The following ESRRG variants were observed in gnomAD, a reference collection of about 807,000 sequenced individuals.
The protein encoded by ESRRG is estrogen related receptor gamma.
Under a neutral mutation model 44.0 loss-of-function variants are expected in ESRRG, and 13 were observed. That is an observed-to-expected ratio of 0.30 (90% confidence interval 0.19 to 0.47). The LOEUF is 0.47. Among genes scored for constraint, ESRRG ranks in the 20% least tolerant of loss-of-function variants. The pLI is 1.00. For synonymous variants in ESRRG, 215 were observed against 214.6 expected (o/e 1.00, Z -0.02); for missense variants, 395 against 580.6 (o/e 0.68, Z 3.29).
chr1:216,617,074 C>A (rs2061518902), intron 3 of ESRRG, among the ~76,000 whole-genome samples: 3 of 152,136 alleles, frequency 2.0e-5, no homozygotes, highest in Admixed American at 2.0e-4. Flanking sequence ...CAATCTGTTT[C>A]TTTTCAACAT....
intron 1 of ESRRG, among the ~76,000 whole-genome samples, chr1:217,100,627 ATGAAGCAT>A (rs1216745721): frequency 6.6e-6 from 1 of 152,252 alleles, no homozygotes; most frequent in African/African-American, 2.4e-5. Context: ...CAGACTATAC[ATGAAGCAT>A]AGTGCTGGCA....
At chr1:216,545,076 G>A (rs772619005) in intron 5 of ESRRG, among the ~76,000 whole-genome samples, 34 of 151,492 alleles carry the variant, frequency 2.2e-4, no homozygotes, top group Non-Finnish European at 1.2e-4. Flanking sequence ...ATTTGGAGAC[G>A]GGCTCGCTCT....
intron 2 of ESRRG, among the ~76,000 whole-genome samples, chr1:216,906,473 A>G (rs1037312134): frequency 1.2e-4 from 18 of 152,134 alleles, no homozygotes; most frequent in African/African-American, 3.9e-4. Context: ...TATGGCCAGG[A>G]AAGTACAGCC....
chr1:217,131,099 T>C (rs1196496026), intron 1 of ESRRG, among the ~76,000 whole-genome samples: 1 of 152,204 alleles, frequency 6.6e-6, no homozygotes, highest in Non-Finnish European at 1.5e-5. Flanking sequence ...TTAGAGAACA[T>C]AATTCTGAAG....
At chr1:216,717,499 A>G (rs1349191893) in intron 1 of ESRRG, among the ~76,000 whole-genome samples, 8 of 151,940 alleles carry the variant, frequency 5.3e-5, no homozygotes, top group Non-Finnish European at 1.0e-4. Context: ...ATAGATTGGC[A>G]TAAAGAAGCG....
chr1:216,968,827 A>T (rs974343038), intron 1 of ESRRG, among the ~76,000 whole-genome samples: 7 of 152,054 alleles, frequency 4.6e-5, no homozygotes, highest in African/African-American at 1.7e-4. Context: ...GACATTTGGC[A>T]ATATTGAGTC....
intron 5 of ESRRG, among the ~76,000 whole-genome samples, chr1:216,553,108 A>AT (rs34643914): frequency 0.21 from 30,435 of 146,948 alleles, 3,717 homozygotes; most frequent in Non-Finnish European, 0.28. Context: ...AGCTTGACTT[A>AT]TTTTTTTTTT....
chr1:216,674,784 A>G (rs911486513), intron 2 of ESRRG, among the ~76,000 whole-genome samples: 1 of 151,682 alleles, frequency 6.6e-6, no homozygotes, highest in Non-Finnish European at 1.5e-5. Flanking sequence ...TAATTTGTAA[A>G]TTTTTTATAG....
intron 2 of ESRRG, among the ~76,000 whole-genome samples, chr1:216,802,624 G>C (rs900780094): frequency 6.6e-6 from 1 of 152,058 alleles, no homozygotes; most frequent in African/African-American, 2.4e-5. Flanking sequence ...TCTGAGCATG[G>C]GGCCCTGTGT....
intron 5 of ESRRG, among the ~76,000 whole-genome samples, chr1:216,528,523 T>G (rs2048353573): frequency 6.6e-6 from 1 of 152,210 alleles, no homozygotes; most frequent in South Asian, 2.1e-4. Flanking sequence ...TATACATTTA[T>G]GTTCTGTAGC....
At position 216,677,370 on chromosome 1, in the gene ESRRG, C is replaced by A. The variant is rs1189135819; in HGVS notation, c.178G>T (p.Gly60Cys). ...TAGCTCCCACTGGCGTCTGAAGAGC[C>A]ACCAGGGCTGTGGTGGTTGACGCTG... ...TDSVNHHSPG[G>C]SSDASGSYSS... The change falls in exon 2 of 7, where the codon GGC becomes TGC. Residue 60 changes from glycine to cysteine, a missense_variant. Gly to Cys is a radical substitution (Grantham distance 159, BLOSUM62 -3). Coordinates refer to ENST00000408911, the MANE Select transcript of ESRRG (RefSeq NM_001438.4). 2 of 1,614,134 alleles carry A rather than the reference C, an allele frequency of 1.2e-6. No individual in the cohort carries two copies. The highest frequency in any genetic ancestry group is 2.2e-5 in the South Asian group (2 of 91,076).
At chr1:217,131,197 A>C (rs2092960643) in intron 1 of ESRRG, among the ~76,000 whole-genome samples, 1 of 152,214 alleles carries the variant, frequency 6.6e-6, no homozygotes, top group African/African-American at 2.4e-5. Flanking sequence ...GCTATGTTAA[A>C]TACCCAAGCT....
chr1:216,955,970 T>A (rs537199254), intron 1 of ESRRG, among the ~76,000 whole-genome samples: 158 of 152,152 alleles, frequency 1.0e-3, no homozygotes, highest in Non-Finnish European at 1.9e-3. Context: ...CTAGTCTGTG[T>A]CAGTTTGCAA....
At chr1:216,883,770 C>T (rs1470696160) in intron 2 of ESRRG, among the ~76,000 whole-genome samples, 2 of 152,120 alleles carry the variant, frequency 1.3e-5, no homozygotes, top group Non-Finnish European at 2.9e-5. Flanking sequence ...CAGTCAGTTC[C>T]AGGTAGTTAC....
At chr1:217,116,458 C>T (rs1463818323) in intron 1 of ESRRG, among the ~76,000 whole-genome samples, 1 of 152,174 alleles carries the variant, frequency 6.6e-6, no homozygotes, top group Non-Finnish European at 1.5e-5. Flanking sequence ...GTAAAGATGC[C>T]TACTTGAAAT....
intron 2 of ESRRG, among the ~76,000 whole-genome samples, chr1:216,651,462 C>A (rs1180178633): frequency 6.6e-6 from 1 of 152,134 alleles, no homozygotes; most frequent in Non-Finnish European, 1.5e-5. Flanking sequence ...ATTGTCAATC[C>A]TGGATTTATT....
At chr1:217,057,662 T>C (rs991563579) in intron 1 of ESRRG, among the ~76,000 whole-genome samples, 1 of 150,076 alleles carries the variant, frequency 6.7e-6, no homozygotes, top group Non-Finnish European at 1.5e-5. Flanking sequence ...ATATAAAAGG[T>C]GAAAAGGAGG....
intron 2 of ESRRG, among the ~76,000 whole-genome samples, chr1:216,873,209 G>GTTTTTTTTTTTTTT (rs754735743): frequency 9.4e-6 from 1 of 105,948 alleles, no homozygotes; most frequent in South Asian, 3.3e-4. Context: ...CATCTTTTCA[G>GTTTTTTTTTTTTTT]TTTTTTTTTT....
intron 2 of ESRRG, among the ~76,000 whole-genome samples, chr1:216,672,271 C>A (rs796564696): frequency 3.9e-5 from 6 of 152,266 alleles, no homozygotes; most frequent in African/African-American, 1.4e-4. Flanking sequence ...AAAACAAAAA[C>A]AAAACAGCAA....
Sources: gnomAD v4.1 joint callset for allele counts (sites outside exome capture counted in the v4.1 genomes callset) on GRCh38, gnomAD v4.1.1 for gene constraint, MANE v1.5 for transcripts, NCBI Gene and HGNC (gene_info 2026-07-23, HGNC 2026-07-21) for gene names.